IQSEC1: variants seen among roughly 807,000 people sequenced by gnomAD.
IQSEC1 encodes the protein IQ motif and Sec7 domain ArfGEF 1, also known as IQ motif and SEC7 domain-containing protein 1.
IQSEC1 carries 31 observed loss-of-function variants against 91.0 expected under a neutral mutation model. The ratio of observed to expected loss-of-function variants is 0.34; its 90% CI spans 0.26 to 0.46. The LOEUF (loss-of-function observed/expected upper bound fraction) is 0.46, where lower values mean the gene tolerates loss of function less well. Among genes scored for constraint, IQSEC1 ranks in the 20% least tolerant of loss-of-function variants. The pLI is 1.00. For synonymous variants in IQSEC1, 699 were observed against 662.6 expected (o/e 1.05, Z -0.84); for missense variants, 1,388 against 1,575.6 (o/e 0.88, Z 2.02).
In IQSEC1 at chr3:13,275,638, G is replaced by A. The variant is rs144984752; in HGVS notation, c.272+7073C>T. Among the ~76,000 whole-genome samples the A allele has an allele frequency of 5.4e-3, 825 of 152,330 alleles. 5 individuals are homozygous for A. The highest frequency in any genetic ancestry group is 0.019 in the African/African-American group (775 of 41,566). ...CTCCAGGAAGCCTCTGCTGACACCC[G>A]TGGGTGGTCACTCGCTTCGTGCTCT... On this transcript the variant is annotated intron_variant, in intron 1 of 15. Transcript: ENST00000648114.
At chr3:12,971,351 G>C (rs79968505) in intron 1 of IQSEC1, among the ~76,000 whole-genome samples, 1 of 152,274 alleles carries the variant, frequency 6.6e-6, no homozygotes, top group South Asian at 2.1e-4. Context: ...TGTTGGGAAC[G>C]AATCCTACAG....
At chr3:13,030,000 C>T (rs1000598467) in intron 1 of IQSEC1, among the ~76,000 whole-genome samples, 3 of 152,058 alleles carry the variant, frequency 2.0e-5, no homozygotes, top group South Asian at 2.1e-4. Flanking sequence ...GATGAGGTCT[C>T]GCTACATTAA....
intron 1 of IQSEC1, among the ~76,000 whole-genome samples, chr3:13,236,490 G>A (rs1020443553): frequency 1.3e-5 from 2 of 152,126 alleles, no homozygotes; most frequent in Admixed American, 6.5e-5. Context: ...TGGTCCTAAG[G>A]GTGCTCCAAA....
intron 2 of IQSEC1, among the ~76,000 whole-genome samples, chr3:13,120,537 T>C (rs570806251): frequency 5.3e-5 from 8 of 152,292 alleles, no homozygotes; most frequent in African/African-American, 1.4e-4. Flanking sequence ...ACTCGATTAG[T>C]GTTAATTCTT....
chr3:13,053,308 C>G (rs1443324764), intron 1 of IQSEC1, among the ~76,000 whole-genome samples: 1 of 152,224 alleles, frequency 6.6e-6, no homozygotes, highest in Non-Finnish European at 1.5e-5. Flanking sequence ...AGCTCCCAAA[C>G]CTAATGCAGA....
At chr3:13,054,097 C>T (rs1704792616) in intron 1 of IQSEC1, among the ~76,000 whole-genome samples, 1 of 152,238 alleles carries the variant, frequency 6.6e-6, no homozygotes, top group South Asian at 2.1e-4. Flanking sequence ...GCTGGTGGAG[C>T]CTGGCAGGCG....
In IQSEC1 at chr3:13,073,035, C is replaced by T; in HGVS notation, c.-21G>A. On this transcript the variant is annotated 5_prime_UTR_variant, in exon 1 of 14. Transcript: ENST00000613206. ...GCCATCCTGTGTGAATCCGTTCTTCCCTGTTCTGGCTCCCTCTCCAGCGGG... is the reference window on the plus strand; with the variant it reads ...GCCATCCTGTGTGAATCCGTTCTTCTCTGTTCTGGCTCCCTCTCCAGCGGG... The T allele has an allele frequency of 6.4e-7, 1 of 1,551,770 alleles. No individual in the cohort carries two copies. The highest frequency in any genetic ancestry group is 8.7e-7 in the Non-Finnish European group (1 of 1,146,982).
At chr3:13,143,625 G>A (rs1451734691) in intron 2 of IQSEC1, among the ~76,000 whole-genome samples, 1 of 152,200 alleles carries the variant, frequency 6.6e-6, no homozygotes, top group Non-Finnish European at 1.5e-5. Context: ...CTAAGGTCTG[G>A]GCATGTGACC....
intron 1 of IQSEC1, among the ~76,000 whole-genome samples, chr3:13,236,085 C>T (rs1033782020): frequency 2.0e-5 from 3 of 152,090 alleles, no homozygotes; most frequent in Non-Finnish European, 4.4e-5. Context: ...GCCCTGGCGC[C>T]GTGCCAGGCT....
At chr3:13,078,068 A>G (rs1190525546), upstream of IQSEC1, among the ~76,000 whole-genome samples, 1 of 152,164 alleles carries the variant, frequency 6.6e-6, no homozygotes, top group South Asian at 2.1e-4. Context: ...GTGGCCCTGC[A>G]GACACTCCCT....
rs77840205 is a variant in IQSEC1 at position 13,229,756 on chromosome 3, C to T, written c.272+52955G>A. ...CTGGGATGCTTATCCCCAGGTCCATCCAGGAGCTAAGCTCCTCTTCTGCAC... is the reference window on the plus strand; with the variant it reads ...CTGGGATGCTTATCCCCAGGTCCATTCAGGAGCTAAGCTCCTCTTCTGCAC... On this transcript the variant is annotated intron_variant, in intron 1 of 15. Transcript: ENST00000648114. Among the ~76,000 whole-genome samples the T allele has an allele frequency of 8.8e-3, 1,345 of 152,346 alleles. 14 individuals carry two copies. The highest frequency in any genetic ancestry group is 0.031 in the Middle Eastern group (9 of 294).
intron 1 of IQSEC1, among the ~76,000 whole-genome samples, chr3:13,252,719 T>C (rs182119215): frequency 2.7e-4 from 32 of 118,030 alleles, no homozygotes; most frequent in East Asian, 1.5e-3. Flanking sequence ...ATTATCTATG[T>C]TTTTTTTTGT....
At chr3:13,278,244 G>GGCTTCCCC (rs1695726538) in intron 1 of IQSEC1, among the ~76,000 whole-genome samples, 1 of 152,092 alleles carries the variant, frequency 6.6e-6, no homozygotes, top group African/African-American at 2.4e-5. Flanking sequence ...CACTCCACTG[G>GGCTTCCCC]GCTTCCCCCC....
intron 1 of IQSEC1, among the ~76,000 whole-genome samples, chr3:13,257,529 C>T (rs1270799532): frequency 6.6e-6 from 1 of 152,166 alleles, no homozygotes; most frequent in East Asian, 1.9e-4. Flanking sequence ...GCCCTTCCCG[C>T]CCCCGCCTGG....
At chr3:12,937,814 A>G (rs929243766) in intron 2 of IQSEC1, among the ~76,000 whole-genome samples, 1 of 152,210 alleles carries the variant, frequency 6.6e-6, no homozygotes, top group Non-Finnish European at 1.5e-5. Context: ...ATTGTGGCCC[A>G]GAGAAGAGAC....
At chr3:13,183,603 AT>A (rs1362804890) in intron 1 of IQSEC1, among the ~76,000 whole-genome samples, 1 of 152,164 alleles carries the variant, frequency 6.6e-6, no homozygotes, top group Non-Finnish European at 1.5e-5. Flanking sequence ...CATATGAAAA[AT>A]CAATTAGGCT....
upstream of IQSEC1, among the ~76,000 whole-genome samples, chr3:13,074,203 C>G (rs1705523940): frequency 6.6e-6 from 1 of 152,162 alleles, no homozygotes; most frequent in Non-Finnish European, 1.5e-5. Context: ...CTTCTGCCAT[C>G]AGACGGGGTG....
At chr3:13,101,028 G>A (rs1706048635) in intron 2 of IQSEC1, among the ~76,000 whole-genome samples, 1 of 122,664 alleles carries the variant, frequency 8.2e-6, no homozygotes, top group Non-Finnish European at 1.8e-5. Context: ...TGTGTCTGAA[G>A]AGCTGCAAGG....
At chr3:13,035,896 G>A (rs1704018057) in intron 1 of IQSEC1, among the ~76,000 whole-genome samples, 1 of 152,228 alleles carries the variant, frequency 6.6e-6, no homozygotes, top group South Asian at 2.1e-4. Context: ...CAGCCGCCAT[G>A]TTTTGAGGAC....
Sources: gnomAD v4.1 joint callset for allele counts (sites outside exome capture counted in the v4.1 genomes callset) on GRCh38, gnomAD v4.1.1 for gene constraint, MANE v1.5 for transcripts, NCBI Gene and HGNC (gene_info 2026-07-23, HGNC 2026-07-21) for gene names.